Variants in SPATA13 observed in about 807,000 individuals in gnomAD.
SPATA13 encodes the protein spermatogenesis associated 13.
SPATA13 carries 50 observed loss-of-function variants against 104.0 expected under a neutral mutation model. The observed-to-expected ratio is 0.48, with a 90% CI of 0.38 to 0.61. SPATA13 has a LOEUF of 0.61. SPATA13 is among the 20% of genes least tolerant of loss of function. The probability of loss-of-function intolerance (pLI) is 0.00; values close to 1 mark genes in which losing one functional copy is unlikely to be tolerated. For synonymous variants in SPATA13, 606 were observed against 667.5 expected (o/e 0.91, Z 1.42); for missense variants, 1,524 against 1,690.6 (o/e 0.90, Z 1.73).
At chr13:24,057,005 T>TTCTCTC (rs60596587) in intron 3 of SPATA13, among the ~76,000 whole-genome samples, 1 of 131,170 alleles carries the variant, frequency 7.6e-6, no homozygotes, top group African/African-American at 2.9e-5. Context: ...GCTGTTTTCT[T>TTCTCTC]TCTCTCTCTC....
rs75455683 is a variant in SPATA13, at chr13:24,220,240, G to T, written c.-111-2579G>T. On this transcript the variant is annotated intron_variant, in intron 1 of 12. Transcript: ENST00000382108. ...TCAAGAGCCATATGACAGCACCAAG[G>T]TTAGGCCGATTCCCATGTCTTGGGC... 7.5e-3 allele frequency among the ~76,000 whole-genome samples: 1,144 copies of T among 152,270 alleles called. 105 individuals carry two copies. The East Asian group carries it at 0.18, about 24-fold the overall frequency.
intron 3 of SPATA13, among the ~76,000 whole-genome samples, chr13:24,106,642 C>T (rs1306027657): frequency 6.6e-6 from 1 of 152,176 alleles, no homozygotes. Flanking sequence ...TTGTTTGTTT[C>T]CAATGTGGAA....
rs181561083 is a variant in SPATA13, at chr13:24,141,087, A to G, written c.-111-81732A>G. Reference sequence around the variant, plus strand: ...CTACTCAGGAGGCTGAGGCAGGAGAATTGCTTGAACCCGGGAGGCAGAAGT... The same window carrying G: ...CTACTCAGGAGGCTGAGGCAGGAGAGTTGCTTGAACCCGGGAGGCAGAAGT... On this transcript the variant is annotated intron_variant, in intron 3 of 14. Transcript: ENST00000424834. Among the ~76,000 whole-genome samples, 7 of 151,930 alleles carry G rather than the reference A, an allele frequency of 4.6e-5. No individual in the cohort carries two copies. In the East Asian group the frequency reaches 1.4e-3, roughly 30 times the overall value.
chr13:24,136,602 A>G (rs1593352986), intron 3 of SPATA13, among the ~76,000 whole-genome samples: 2 of 152,218 alleles, frequency 1.3e-5, no homozygotes, highest in African/African-American at 2.4e-5. Context: ...TGAATTCTGT[A>G]TATAGACTTT....
At position 24,294,793 on chromosome 13, in the gene SPATA13, G is replaced by A. The variant is rs751966688; in HGVS notation, c.3135G>A (p.Leu1045=). The change falls in exon 10 of 13, where the codon CTG becomes CTA. Residue 1045 remains leucine (L), a synonymous_variant. Transcript: ENST00000382108. ...AGGCCATGAAGAATGTGGCCTGTCT[G>A]ATCAACGAGCGCAAGCGCAAGCTGG... ...AYEAMKNVAC[L]INERKRKLES... is the part of the protein sequence containing the mutation. The A allele has an allele frequency of 1.2e-6, 2 of 1,611,106 alleles. No individual in the cohort carries two copies. Among genetic ancestry groups the A allele is most frequent in the African/African-American group, 1.3e-5 (1 of 74,918 alleles).
At chr13:24,065,408 G>A (rs1878920568) in intron 3 of SPATA13, among the ~76,000 whole-genome samples, 1 of 152,144 alleles carries the variant, frequency 6.6e-6, no homozygotes, top group Non-Finnish European at 1.5e-5. Flanking sequence ...GCACAATTCT[G>A]TGTAGTAACA....
chr13:24,148,760 A>G (rs758474761), intron 3 of SPATA13, among the ~76,000 whole-genome samples: 2 of 152,234 alleles, frequency 1.3e-5, no homozygotes, highest in Non-Finnish European at 1.5e-5. Context: ...TAAAACACCT[A>G]AACAGGAGCA....
intron 3 of SPATA13, among the ~76,000 whole-genome samples, chr13:24,078,680 C>T (rs1879410600): frequency 6.6e-6 from 1 of 152,136 alleles, no homozygotes; most frequent in African/African-American, 2.4e-5. Flanking sequence ...CAGTTGTCGC[C>T]CTAGTCCATA....
intron 3 of SPATA13, among the ~76,000 whole-genome samples, chr13:24,087,512 G>C (rs1345319225): frequency 6.6e-6 from 1 of 152,202 alleles, no homozygotes; most frequent in East Asian, 1.9e-4. Flanking sequence ...AACGTTAATA[G>C]AACCTAAAGG....
intron 1 of SPATA13, among the ~76,000 whole-genome samples, chr13:24,164,410 C>T (rs1234782894): frequency 6.6e-6 from 1 of 152,214 alleles, no homozygotes; most frequent in Admixed American, 6.5e-5. Flanking sequence ...ATGCTCACCT[C>T]CTCCATACCA....
chr13:24,205,830 G>A lies in SPATA13; in HGVS notation c.-111-16989G>A, dbSNP rs141153848. ...ACAAACCTGACCAAAAACAAGCAAT[G>A]GAGAAAGGATACCCTATTTAATAAA... On this transcript the variant is annotated intron_variant, in intron 1 of 12. Coordinates refer to ENST00000382108, the MANE Select transcript of SPATA13 (RefSeq NM_001166271.3). This position sits in a 1 kb window ranked among gnomAD's most constrained non-coding sequence, Gnocchi z 4.1. 4.2e-3 allele frequency among the ~76,000 whole-genome samples: 643 copies of A among 152,152 alleles called. 3 individuals are homozygous for A. The highest frequency in any genetic ancestry group is 7.3e-3 in the Non-Finnish European group (496 of 68,006).
At chr13:24,209,527 C>G (rs1348097061) in intron 1 of SPATA13, among the ~76,000 whole-genome samples, 1 of 152,198 alleles carries the variant, frequency 6.6e-6, no homozygotes, top group South Asian at 2.1e-4. Flanking sequence ...GTATTTGTCT[C>G]TCTGTGCCTG....
chr13:24,267,605 G>T (rs991091693), intron 4 of SPATA13, among the ~76,000 whole-genome samples: 3 of 152,048 alleles, frequency 2.0e-5, no homozygotes, highest in Non-Finnish European at 4.4e-5. Context: ...GAAAACTAAT[G>T]ATTTTAACCA....
chr13:24,049,503 A>G (rs1404587038), intron 3 of SPATA13, among the ~76,000 whole-genome samples: 2 of 152,138 alleles, frequency 1.3e-5, no homozygotes, highest in East Asian at 3.9e-4. Flanking sequence ...CATTTCTCAG[A>G]ATGTAGCCCC....
intron 3 of SPATA13, among the ~76,000 whole-genome samples, chr13:24,049,055 G>A (rs1238833629): frequency 6.6e-6 from 1 of 152,156 alleles, no homozygotes; most frequent in Non-Finnish European, 1.5e-5. Flanking sequence ...CTTAAATTCA[G>A]GATTAAGGTT....
chr13:24,300,665 G>A, intron 12 of SPATA13, 190 bp downstream of exon 12: 1 of 595,324 alleles, frequency 1.7e-6, no homozygotes, highest in East Asian at 2.9e-5. Context: ...GTGCGTCAGT[G>A]TTTGCTTCCA....
chr13:24,172,026 G>A (rs9578685), intron 1 of SPATA13, among the ~76,000 whole-genome samples: 2 of 151,908 alleles, frequency 1.3e-5, no homozygotes, highest in Admixed American at 1.3e-4. Flanking sequence ...TGGAACTAAG[G>A]ATCTTGACGT....
intron 3 of SPATA13, among the ~76,000 whole-genome samples, chr13:24,100,113 A>G (rs1880207895): frequency 1.4e-5 from 2 of 147,996 alleles, no homozygotes; most frequent in South Asian, 4.5e-4. Flanking sequence ...TTCTCTATCA[A>G]TGATTTATTT....
chr13:24,113,868 C>CAA (rs958434459), intron 3 of SPATA13, among the ~76,000 whole-genome samples: 2,065 of 55,398 alleles, frequency 0.037, 109 homozygotes, highest in African/African-American at 0.11. Flanking sequence ...GACTCGATCT[C>CAA]AAAAAAAAAA....
Sources: gnomAD v4.1 joint callset for allele counts (sites outside exome capture counted in the v4.1 genomes callset) on GRCh38, gnomAD v4.1.1 for gene constraint, Gnocchi (gnomAD v3.1) non-coding constraint, MANE v1.5 for transcripts, NCBI Gene and HGNC (gene_info 2026-07-23, HGNC 2026-07-21) for gene names.